CDO1: variants seen among roughly 807,000 people sequenced by gnomAD.
The protein encoded by CDO1 is cysteine dioxygenase, type I.
In CDO1, 19 loss-of-function variants were observed where a neutral mutation model predicts 24.5. The observed-to-expected ratio is 0.77, with a 90% CI of 0.54 to 1.14. The LOEUF is 1.14. Among genes scored for constraint, CDO1 ranks in the 50% most tolerant of loss-of-function variants. CDO1 has a pLI of 0.00. For missense variants in CDO1, 244 were observed against 244.8 expected (o/e 1.00, Z 0.02); for synonymous variants, 91 against 87.0 (o/e 1.05, Z -0.26).
chr5:115,816,489 AG>A lies in CDO1; in HGVS notation c.-93del, dbSNP rs1306530012. The A allele has an allele frequency of 4.4e-6, 6 of 1,374,188 alleles. No homozygotes were observed. The African/African-American group carries it at 8.5e-5, about 19-fold the overall frequency. 85.1% of individuals were successfully genotyped at this position (1,374,188 alleles called of 1,614,324 possible). On this transcript the variant is annotated 5_prime_UTR_variant, in exon 1 of 5. Transcript: ENST00000250535. The stretch of plus-strand genomic sequence containing the variant: ...GGAGCTGGGGGCGAGGGAGCCTAAC[AG>A]CCCGCTAGACCGCTAAGCAGACACA...
chr5:115,811,926 G>A (rs1760206025), intron 2 of CDO1, among the ~76,000 whole-genome samples: 1 of 152,156 alleles, frequency 6.6e-6, no homozygotes, highest in Admixed American at 6.5e-5. Flanking sequence ...ACATTGGTGG[G>A]AAAAAGTTAA....
At chr5:115,814,571 T>C (rs943203070) in intron 1 of CDO1, 2 of 152,348 alleles carry the variant, frequency 1.3e-5, no homozygotes, top group Non-Finnish European at 2.9e-5. Context: ...ACATCCATTA[T>C]GTTAATGAGC....
chr5:115,811,166 A>G lies in CDO1; in HGVS notation c.398T>C (p.Ile133Thr). ...GAAAAAGAATAAGATGTTACCATTG[A>G]TGTAGGCACACTGGTTTTCCCTCAA... ...RVLRENQCAY[I>T]NDSIGLHRVE... The change falls in exon 3 of 5, where the codon ATC becomes ACC. Residue 133 changes from isoleucine to threonine, a missense_variant. Coordinates refer to ENST00000250535, the MANE Select transcript of CDO1 (RefSeq NM_001801.3). 1.2e-6 allele frequency: 2 copies of G among 1,613,224 alleles called. No homozygotes were observed. Among genetic ancestry groups the G allele is most frequent in the Non-Finnish European group, 1.7e-6 (2 of 1,179,410 alleles).
At chr5:115,807,452 G>C (rs1335865822) in intron 3 of CDO1, among the ~76,000 whole-genome samples, 1 of 152,130 alleles carries the variant, frequency 6.6e-6, no homozygotes, top group Non-Finnish European at 1.5e-5. Flanking sequence ...TAGTATGAAA[G>C]ACAGAGGGCA....
At chr5:115,816,004 G>A (rs1013919109) in intron 1 of CDO1, among the ~76,000 whole-genome samples, 1 of 152,216 alleles carries the variant, frequency 6.6e-6, no homozygotes, top group African/African-American at 2.4e-5. Flanking sequence ...GTTCCCGGCC[G>A]GAGGTCAGCA....
At position 115,816,401 on chromosome 5, in the gene CDO1, G is replaced by A; in HGVS notation, c.-4C>T. ...TCAGCACTTCGGTCTGTTCCATCTC[G>A]TGGGGAGCTGGCTGCGCGCGCGTCT... On this transcript the variant is annotated 5_prime_UTR_variant, in exon 1 of 5. The change creates a new upstream start codon in the 5' untranslated region. Coordinates refer to ENST00000250535, the MANE Select transcript of CDO1 (RefSeq NM_001801.3). 1 of 1,611,958 alleles carries A rather than the reference G, an allele frequency of 6.2e-7. No homozygotes were observed. Among genetic ancestry groups the A allele is most frequent in the Non-Finnish European group, 8.5e-7 (1 of 1,179,828 alleles).
intron 4 of CDO1, among the ~76,000 whole-genome samples, chr5:115,806,054 G>A (rs1759932726): frequency 6.6e-6 from 1 of 152,170 alleles, no homozygotes; most frequent in Admixed American, 6.5e-5. Context: ...CCTATGCATA[G>A]TAAGTCATGG....
At chr5:115,816,144 A>G in intron 1 of CDO1, 84 bp downstream of exon 1, 2 of 1,342,006 alleles carry the variant, frequency 1.5e-6, no homozygotes, top group Non-Finnish European at 2.0e-6. Context: ...CGAGCCAGTC[A>G]CTTTGGGCTG....
chr5:115,807,587 G>A (rs35053218), intron 3 of CDO1, among the ~76,000 whole-genome samples: 22,194 of 150,994 alleles, frequency 0.15, 2,390 homozygotes, highest in East Asian at 0.33. Flanking sequence ...AAAAGAGGTT[G>A]AAGAAACAGA....
At chr5:115,814,781 G>C (rs1238936761) in intron 1 of CDO1, among the ~76,000 whole-genome samples, 1 of 152,094 alleles carries the variant, frequency 6.6e-6, no homozygotes, top group Non-Finnish European at 1.5e-5. Context: ...CTAACCCCGG[G>C]AGCCTGGAGC....
intron 1 of CDO1, 28 bp downstream of exon 1, chr5:115,816,200 C>G (rs1354360488): frequency 1.9e-6 from 3 of 1,601,652 alleles, no homozygotes; most frequent in Admixed American, 3.4e-5. Flanking sequence ...GTGGGCGCCG[C>G]CTGGCATTGA....
intron 4 of CDO1, 88 bp from the exon 5 acceptor site, chr5:115,805,550 G>C (rs1759910168): frequency 7.7e-7 from 1 of 1,294,372 alleles, no homozygotes; most frequent in South Asian, 1.3e-5. Flanking sequence ...TTTTGTAGCA[G>C]TGTATGAAAA....
intron 1 of CDO1, chr5:115,814,376 T>C (rs1760332724): frequency 6.6e-6 from 1 of 152,242 alleles, no homozygotes; most frequent in African/African-American, 2.4e-5. Context: ...CTCTGCAGCT[T>C]CTTTCAAAGA....
intron 3 of CDO1, among the ~76,000 whole-genome samples, chr5:115,809,117 T>C (rs1198432885): frequency 6.6e-6 from 1 of 152,210 alleles, no homozygotes; most frequent in African/African-American, 2.4e-5. Context: ...TTTGAACAAA[T>C]GTTCAACACT....
chr5:115,813,800 A>G (rs926686137), intron 1 of CDO1: 15 of 153,304 alleles, frequency 9.8e-5, no homozygotes, highest in African/African-American at 3.4e-4. Context: ...AACTACCAGA[A>G]CAAAGAAGAC....
In CDO1 at chr5:115,805,451, G is replaced by A. The variant is rs767945452; in HGVS notation, c.585C>T (p.Gly195=). 2 of 1,613,886 alleles carry A rather than the reference G, an allele frequency of 1.2e-6. No individual in the cohort carries two copies. The highest frequency in any genetic ancestry group is 4.5e-5 in the East Asian group (2 of 44,876). ...GTGCCCCTTAGTTGTTCTCCAGCGA[G>A]CCCGAAGTTGCCTGTAAAAAAGGGA... ...FGIRTPNATS[G]SLENN The change falls in exon 5 of 5, where the codon GGC becomes GGT. Residue 195 remains glycine (G), a synonymous_variant. Coordinates refer to ENST00000250535, the MANE Select transcript of CDO1 (RefSeq NM_001801.3).
In CDO1 at chr5:115,805,448, C is replaced by A. The variant is rs1451660467; in HGVS notation, c.588G>T (p.Ser196=). 1 of 1,613,804 alleles carries A rather than the reference C, an allele frequency of 6.2e-7. No homozygotes were observed. Among genetic ancestry groups the A allele is most frequent in the Non-Finnish European group, 8.5e-7 (1 of 1,179,890 alleles). ...GIRTPNATSG[S]LENN ...TTGGTGCCCCTTAGTTGTTCTCCAG[C>A]GAGCCCGAAGTTGCCTGTAAAAAAG... The change falls in exon 5 of 5, where the codon TCG becomes TCT. Residue 196 remains serine, a synonymous_variant. Coordinates refer to ENST00000250535, the MANE Select transcript of CDO1 (RefSeq NM_001801.3).
chr5:115,804,733 T>C lies in CDO1; in HGVS notation c.*700A>G. ...TGTTAATCAGAAAGACACCTTCAAA[T>C]TGTGTTCAAATCCACTTTATTTAAA... is the stretch of plus-strand genomic sequence containing the variant. On this transcript the variant is annotated 3_prime_UTR_variant, in exon 5 of 5. Coordinates refer to ENST00000250535, the MANE Select transcript of CDO1 (RefSeq NM_001801.3). 1 of 151,884 alleles carries C rather than the reference T, an allele frequency of 6.6e-6. No individual in the cohort carries two copies. Among genetic ancestry groups the C allele is most frequent in the East Asian group, 1.9e-4 (1 of 5,184 alleles). 9.4% of individuals were successfully genotyped at this position (151,884 alleles called of 1,614,324 possible). A position where few individuals can be genotyped will look rare whatever the true frequency, so the allele number is the denominator to read the frequency against.
chr5:115,811,067 A>G lies in CDO1; in HGVS notation c.403+94T>C. ...TATTTTAAATCATGACTCATGATCCAGGTTCTACTGCATAAAAAGTGTAAG... is the reference window on the plus strand; with the variant it reads ...TATTTTAAATCATGACTCATGATCCGGGTTCTACTGCATAAAAAGTGTAAG... On this transcript the variant is annotated intron_variant, in intron 3 of 4. Transcript: ENST00000250535. 6 of 1,131,594 alleles carry G rather than the reference A, an allele frequency of 5.3e-6. No individual in the cohort carries two copies. In the East Asian group the frequency reaches 1.2e-4, roughly 22 times the overall value. 70.1% of individuals were successfully genotyped at this position (1,131,594 alleles called of 1,614,324 possible).
Sources: gnomAD v4.1 joint callset for allele counts (sites outside exome capture counted in the v4.1 genomes callset) on GRCh38, gnomAD v4.1.1 for gene constraint, MANE v1.5 for transcripts, NCBI Gene and HGNC (gene_info 2026-07-23, HGNC 2026-07-21) for gene names.